CADPS: variants seen among roughly 807,000 people sequenced by gnomAD.
CADPS encodes calcium dependent secretion activator.
In CADPS, 57 loss-of-function variants were observed where a neutral mutation model predicts 167.3. The ratio of observed to expected loss-of-function variants is 0.34; its 90% confidence interval spans 0.28 to 0.42. The LOEUF is 0.42. Among genes scored for constraint, CADPS ranks in the 20% least tolerant of loss-of-function variants. The pLI is 1.00. For missense variants in CADPS, 1,414 were observed against 1,738.1 expected (o/e 0.81, Z 3.32); for synonymous variants, 676 against 635.3 (o/e 1.06, Z -0.96).
At position 62,491,404 on chromosome 3, in the gene CADPS, C is replaced by G; in HGVS notation, c.2961G>C (p.Leu987=). 1 of 1,614,184 alleles carries G rather than the reference C, an allele frequency of 6.2e-7. No individual in the cohort carries two copies. The highest frequency in any genetic ancestry group is 8.5e-7 in the Non-Finnish European group (1 of 1,180,008). ...TGGATTGTGCAATTGAGGACTCCAT[C>G]AGATCCACATATCTAACAACAAGTG... ...FAPLVVRYVD[L]MESSIAQSIH... is the part of the protein sequence containing the mutation. The change falls in exon 21 of 30, where the codon CTG becomes CTC. Residue 987 remains leucine, a synonymous_variant. Coordinates refer to ENST00000383710, the MANE Select transcript of CADPS (RefSeq NM_003716.4).
intron 1 of CADPS, among the ~76,000 whole-genome samples, chr3:62,809,252 C>T (rs1263684081): frequency 6.6e-6 from 1 of 152,156 alleles, no homozygotes; most frequent in African/African-American, 2.4e-5. Context: ...CTCCTCCTGC[C>T]TGAAACTTCC....
chr3:62,863,490 G>C (rs1480598267), intron 1 of CADPS, among the ~76,000 whole-genome samples: 1 of 152,064 alleles, frequency 6.6e-6, no homozygotes, highest in African/African-American at 2.4e-5. Flanking sequence ...TTCTACCTAG[G>C]AAAGTAATGA....
intron 1 of CADPS, among the ~76,000 whole-genome samples, chr3:62,861,017 A>G (rs1577490207): frequency 6.6e-6 from 1 of 152,146 alleles, no homozygotes; most frequent in Non-Finnish European, 1.5e-5. Flanking sequence ...TTCTCCCCAG[A>G]TTCCAAACCA....
chr3:62,649,278 G>C (rs2150151718), intron 5 of CADPS, among the ~76,000 whole-genome samples: 1 of 152,126 alleles, frequency 6.6e-6, no homozygotes, highest in East Asian at 1.9e-4. Flanking sequence ...ATCCTGTCTA[G>C]AATTTTTTTT....
At chr3:62,558,711 G>A (rs2078631669) in intron 9 of CADPS, among the ~76,000 whole-genome samples, 1 of 152,162 alleles carries the variant, frequency 6.6e-6, no homozygotes, top group Non-Finnish European at 1.5e-5. Flanking sequence ...GTGTCCGCAG[G>A]AGGATGTTTT....
intron 1 of CADPS, among the ~76,000 whole-genome samples, chr3:62,858,830 C>G (rs1350867497): frequency 6.6e-6 from 1 of 152,018 alleles, no homozygotes; most frequent in Non-Finnish European, 1.5e-5. Context: ...TAAAAATCTG[C>G]TTTATGATAG....
chr3:62,754,412 T>C (rs2083395355), intron 2 of CADPS, among the ~76,000 whole-genome samples: 1 of 152,118 alleles, frequency 6.6e-6, no homozygotes. Flanking sequence ...GGTCTCAAAC[T>C]CTTGGGCTCA....
chr3:62,721,360 G>A (rs1310830310), intron 3 of CADPS, among the ~76,000 whole-genome samples: 2 of 151,992 alleles, frequency 1.3e-5, no homozygotes, highest in Admixed American at 6.6e-5. Flanking sequence ...GGTTTACTCA[G>A]GAGCAGATTT....
In CADPS at chr3:62,625,084, C is replaced by G. The variant is rs960908030; in HGVS notation, c.1325+20638G>C. 10 of 150,394 alleles carry G rather than the reference C, an allele frequency of 6.6e-5. 2 individuals are homozygous for G. Among genetic ancestry groups the G allele is most frequent in the African/African-American group, 2.5e-4 (10 of 39,850 alleles). 9.3% of individuals were successfully genotyped at this position (150,394 alleles called of 1,614,324 possible). On this transcript the variant is annotated intron_variant, in intron 6 of 29. Transcript: ENST00000383710. ...GCTTGTTGGAGGTGTGGGTAAGGCA[C>G]TTAGGGTCTTTGCTCCTTTGTTAGT...
chr3:62,740,560 C>T (rs535648355), intron 3 of CADPS, among the ~76,000 whole-genome samples: 80 of 152,236 alleles, frequency 5.3e-4, no homozygotes, highest in Non-Finnish European at 8.2e-4. Flanking sequence ...CTTTACTCAG[C>T]CTAAACAATT....
rs115305541 is a variant in CADPS, at chr3:62,551,663, C to T, written c.1754-1548G>A. On this transcript the variant is annotated intron_variant, in intron 10 of 29. Transcript: ENST00000383710. ...CCTCTGCCACCTCTAACCTCCTCTC[C>T]TAATACTCTCTCTCTCCCTCTATGC... Among the ~76,000 whole-genome samples, 937 of 152,270 alleles carry T rather than the reference C, an allele frequency of 6.2e-3. 5 individuals are homozygous for T. Among genetic ancestry groups the T allele is most frequent in the African/African-American group, 0.022 (910 of 41,552 alleles).
chr3:62,563,967 A>C (rs2079636856), intron 9 of CADPS, among the ~76,000 whole-genome samples: 1 of 152,058 alleles, frequency 6.6e-6, no homozygotes, highest in Non-Finnish European at 1.5e-5. Flanking sequence ...AAGTGCTAGG[A>C]GTTATTGAAG....
intron 3 of CADPS, among the ~76,000 whole-genome samples, chr3:62,698,625 TCTTGTTCTTCTC>T (rs1220643375): frequency 7.7e-5 from 8 of 104,156 alleles, no homozygotes; most frequent in African/African-American, 1.1e-4. Flanking sequence ...TTATTCTTGT[TCTTGTTCTTCTC>T]CTTCTCCTTC....
intron 3 of CADPS, among the ~76,000 whole-genome samples, chr3:62,721,134 T>A (rs4688330): frequency 0.4 from 46,469 of 115,358 alleles, 10,043 homozygotes; most frequent in East Asian, 0.74. Flanking sequence ...TTTTTTTTTT[T>A]AAAAAAAAAA....
chr3:62,477,019 T>C (rs1183992905), intron 23 of CADPS, among the ~76,000 whole-genome samples: 1 of 152,156 alleles, frequency 6.6e-6, no homozygotes, highest in African/African-American at 2.4e-5. Flanking sequence ...TCTGGATCAC[T>C]ACAACTTTAA....
intron 1 of CADPS, among the ~76,000 whole-genome samples, chr3:62,805,769 T>G (rs1258966176): frequency 6.6e-6 from 1 of 152,150 alleles, no homozygotes; most frequent in African/African-American, 2.4e-5. Flanking sequence ...GCTTTTCTGT[T>G]GAGCTCAGCT....
At chr3:62,629,114 T>C (rs1305069303) in intron 6 of CADPS, among the ~76,000 whole-genome samples, 1 of 152,190 alleles carries the variant, frequency 6.6e-6, no homozygotes, top group Admixed American at 6.5e-5. Flanking sequence ...TTTTTTTAAA[T>C]AAAAGCTTTA....
At chr3:62,748,882 AT>A (rs1225023476) in intron 3 of CADPS, among the ~76,000 whole-genome samples, 2 of 151,938 alleles carry the variant, frequency 1.3e-5, no homozygotes, top group Non-Finnish European at 2.9e-5. Context: ...TAGTTTTTAA[AT>A]TTCTTGTAGA....
At chr3:62,403,333 CGTTA>C (rs1707113265) in intron 28 of CADPS, 148 bp from the exon 29 acceptor site, 1 of 587,556 alleles carries the variant, frequency 1.7e-6, no homozygotes, top group Non-Finnish European at 3.1e-6. Flanking sequence ...GTTTAATGAA[CGTTA>C]GTTAGTTTAT....
Sources: gnomAD v4.1 joint callset for allele counts (sites outside exome capture counted in the v4.1 genomes callset) on GRCh38, gnomAD v4.1.1 for gene constraint, MANE v1.5 for transcripts, NCBI Gene and HGNC (gene_info 2026-07-23, HGNC 2026-07-21) for gene names.